The following PRELID2 variants were observed in gnomAD, a reference collection of about 807,000 sequenced individuals.
PRELID2 encodes PRELI domain-containing protein 2.
PRELID2 carries 25 observed loss-of-function variants against 28.4 expected under a neutral mutation model. The ratio of observed to expected loss-of-function variants is 0.88; its 90% CI spans 0.64 to 1.23. The LOEUF is 1.23. PRELID2 is among the 50% of genes most tolerant of loss of function. PRELID2 has a pLI of 0.00. For synonymous variants in PRELID2, 76 were observed against 71.6 expected, an observed-to-expected ratio of 1.06 and a Z score of -0.31; for missense variants, 201 against 214.4, an observed-to-expected ratio of 0.94 and a Z score of 0.39.
the PRELID2 span, among the ~76,000 whole-genome samples, chr5:145,342,249 G>T: frequency 6.6e-6 from 1 of 152,044 alleles, no homozygotes; most frequent in African/African-American, 2.4e-5. Flanking sequence ...CACAAAAAAA[G>T]GTTCAAAAGA....
At chr5:145,547,485 G>A (rs139619396) in intron 1 of PRELID2, among the ~76,000 whole-genome samples, 384 of 152,058 alleles carry the variant, frequency 2.5e-3, no homozygotes, top group Admixed American at 5.9e-3. Context: ...GCAATAAAAG[G>A]TTGATTTAAA....
intron 1 of PRELID2, among the ~76,000 whole-genome samples, chr5:145,659,170 A>C (rs149592618): frequency 6.6e-6 from 1 of 152,076 alleles, no homozygotes; most frequent in African/African-American, 2.4e-5. Flanking sequence ...TGCCCATCTC[A>C]CTCTCCAGCT....
chr5:145,429,323 G>T, the PRELID2 span, among the ~76,000 whole-genome samples: 1 of 152,166 alleles, frequency 6.6e-6, no homozygotes, highest in African/African-American at 2.4e-5. Context: ...GGGTATGAGA[G>T]AAAGAAACGA....
chr5:145,615,484 G>A (rs529388868), intron 1 of PRELID2, among the ~76,000 whole-genome samples: 2,707 of 143,098 alleles, frequency 0.019, 431 homozygotes, highest in African/African-American at 0.071. Context: ...CCGCCACCTC[G>A]CCCGGCTAAT....
At chr5:145,800,659 A>G (rs762523026) in intron 4 of PRELID2, among the ~76,000 whole-genome samples, 4 of 152,158 alleles carry the variant, frequency 2.6e-5, no homozygotes, top group Non-Finnish European at 5.9e-5. Context: ...GGGAGAAGTA[A>G]GTCCTCAGAA....
chr5:145,267,629 G>A, the PRELID2 span, among the ~76,000 whole-genome samples: 1 of 152,182 alleles, frequency 6.6e-6, no homozygotes, highest in Non-Finnish European at 1.5e-5. Flanking sequence ...CAGTAGTGCA[G>A]ATATGTCTTT....
intron 1 of PRELID2, among the ~76,000 whole-genome samples, chr5:145,655,987 T>G (rs1344389832): frequency 6.6e-6 from 1 of 151,860 alleles, no homozygotes; most frequent in Non-Finnish European, 1.5e-5. Context: ...GGAGAAAAAT[T>G]TTGCAATCTA....
the PRELID2 span, among the ~76,000 whole-genome samples, chr5:145,339,918 G>C: frequency 7.9e-5 from 12 of 152,234 alleles, no homozygotes; most frequent in African/African-American, 2.9e-4. Context: ...TCCCACACAT[G>C]CAAGGACAAA....
intron 1 of PRELID2, among the ~76,000 whole-genome samples, chr5:145,688,612 T>G (rs1209277983): frequency 6.6e-6 from 1 of 152,120 alleles, no homozygotes; most frequent in Non-Finnish European, 1.5e-5. Flanking sequence ...AAATAATACC[T>G]AGAGTTACCC....
At chr5:145,802,686 GT>G (rs1455423493) in intron 4 of PRELID2, among the ~76,000 whole-genome samples, 1 of 152,154 alleles carries the variant, frequency 6.6e-6, no homozygotes, top group Non-Finnish European at 1.5e-5. Flanking sequence ...AGCAGTGCCT[GT>G]ATCTGAGTCT....
intron 1 of PRELID2, among the ~76,000 whole-genome samples, chr5:145,691,509 T>G (rs1310804588): frequency 6.6e-6 from 1 of 151,930 alleles, no homozygotes; most frequent in Admixed American, 6.6e-5. Flanking sequence ...ATCGAGACCA[T>G]CCTGGGTAAC....
intron 5 of PRELID2, among the ~76,000 whole-genome samples, chr5:145,779,994 A>C (rs1179026249): frequency 1.3e-5 from 2 of 152,230 alleles, no homozygotes; most frequent in Non-Finnish European, 2.9e-5. Flanking sequence ...CAGCCTGGGC[A>C]ACATGGTGAG....
intron 1 of PRELID2, among the ~76,000 whole-genome samples, chr5:145,518,137 TAA>T (rs1352848090): frequency 0.033 from 689 of 20,876 alleles, 8 homozygotes; most frequent in African/African-American, 0.25. Flanking sequence ...ACTTGAAGTA[TAA>T]TAATAATAAT....
chr5:145,743,304 G>C (rs779106891), intron 1 of PRELID2, among the ~76,000 whole-genome samples: 1 of 151,608 alleles, frequency 6.6e-6, no homozygotes, highest in Admixed American at 6.6e-5. Flanking sequence ...CCAGCTACTC[G>C]GGAGGCTGAG....
chr5:145,323,842 A>T, the PRELID2 span, among the ~76,000 whole-genome samples: 6 of 151,952 alleles, frequency 3.9e-5, no homozygotes, highest in African/African-American at 1.5e-4. Context: ...TATGTATCAT[A>T]TTTTCTTTGT....
the PRELID2 span, among the ~76,000 whole-genome samples, chr5:145,403,421 G>A: frequency 1.3e-5 from 2 of 152,038 alleles, no homozygotes; most frequent in Non-Finnish European, 1.5e-5. Flanking sequence ...AAAAGAAGAC[G>A]GGGGCAAATG....
downstream of PRELID2, among the ~76,000 whole-genome samples, chr5:145,467,573 G>A (rs78707656): frequency 2.6e-3 from 401 of 152,144 alleles, 2 homozygotes; most frequent in African/African-American, 8.7e-3. Flanking sequence ...ATCAGAGACC[G>A]TGCAAAGTAC....
chr5:145,393,223 G>A, the PRELID2 span, among the ~76,000 whole-genome samples: 19 of 152,152 alleles, frequency 1.2e-4, no homozygotes, highest in Non-Finnish European at 1.3e-4. Flanking sequence ...ACATAGCTGA[G>A]TAAAGGCCAA....
chr5:145,410,224 GA>G, the PRELID2 span, among the ~76,000 whole-genome samples: 1 of 152,122 alleles, frequency 6.6e-6, no homozygotes, highest in African/African-American at 2.4e-5. Flanking sequence ...AATAACATGA[GA>G]AAATCTCTTC....
Sources: allele counts gnomAD v4.1 joint callset (sites outside exome capture counted in the v4.1 genomes callset), GRCh38; gene constraint gnomAD v4.1.1; transcripts MANE v1.5; gene names NCBI Gene and HGNC (gene_info 2026-07-23, HGNC 2026-07-21).